AQR: variants seen among roughly 807,000 people sequenced by gnomAD.
AQR encodes the protein RNA helicase aquarius.
AQR carries 61 observed loss-of-function variants against 180.5 expected under a neutral mutation model. That is an observed-to-expected ratio of 0.34 (90% confidence interval 0.28 to 0.42). AQR has a LOEUF of 0.42. AQR is among the 10% of genes least tolerant of loss of function. The probability of loss-of-function intolerance (pLI) is 1.00; values close to 1 mark genes in which losing one functional copy is unlikely to be tolerated. For synonymous variants in AQR, 551 were observed against 588.8 expected (o/e 0.94, Z 0.93); for missense variants, 1,281 against 1,798.3 (o/e 0.71, Z 5.20).
intron 17 of AQR, among the ~76,000 whole-genome samples, chr15:34,908,523 G>C (rs1893453676): frequency 2.6e-5 from 4 of 152,010 alleles, no homozygotes; most frequent in Non-Finnish European, 5.9e-5. Flanking sequence ...TCAATATAGG[G>C]GCTGGTTTTT....
rs386382691 is a variant in AQR at position 34,893,607 on chromosome 15, GCACACACACACACACACACACA to G, written c.2571+34_2571+55del. ...CATACCCATGTGCATGCGCATGCGTGCACACACACACACACACACACACACACACACACACACACACACACAG... is the reference window on the plus strand; with the variant it reads ...CATACCCATGTGCATGCGCATGCGTGCACACACACACACACACACACACAG... On this transcript the variant is annotated intron_variant, in intron 23 of 34. Transcript: ENST00000156471. 300 of 999,320 alleles carry G rather than the reference GCACACACACACACACACACACA, an allele frequency of 3.0e-4. 1 individual carries two copies. The highest frequency in any genetic ancestry group is 2.9e-3 in the African/African-American group (179 of 62,764). The allele number at this position is 999,320 out of a possible 1,614,324, so 61.9% of individuals were successfully genotyped here. A position where few individuals can be genotyped will look rare whatever the true frequency, so the allele number is the denominator to read the frequency against.
chr15:34,959,796 C>T (rs7179205), intron 3 of AQR, among the ~76,000 whole-genome samples: 100,801 of 152,060 alleles, frequency 0.66, 34,902 homozygotes, highest in South Asian at 0.78. Flanking sequence ...CATCTTGAAG[C>T]TGACTACTAC....
At chr15:34,954,979 C>T (rs1420577602) in intron 3 of AQR, among the ~76,000 whole-genome samples, 1 of 151,936 alleles carries the variant, frequency 6.6e-6, no homozygotes, top group African/African-American at 2.4e-5. Flanking sequence ...AAAAATTAGC[C>T]AGGTGTGGTG....
chr15:34,900,478 C>A (rs1893315319), intron 20 of AQR, 144 bp downstream of exon 20: 1 of 976,250 alleles, frequency 1.0e-6, no homozygotes, highest in Admixed American at 3.0e-5. Context: ...TAAAGTTATC[C>A]CAGTGATTGT....
chr15:34,910,103 A>T, intron 17 of AQR, 32 bp downstream of exon 17: 6 of 1,609,370 alleles, frequency 3.7e-6, no homozygotes, highest in Non-Finnish European at 5.1e-6. Context: ...ACAAGGCAAA[A>T]GGTAATGTCA....
At chr15:34,960,888 T>G (rs1181390778) in intron 2 of AQR, 74 bp from the exon 3 acceptor site, 23 of 527,786 alleles carry the variant, frequency 4.4e-5, no homozygotes, top group Non-Finnish European at 7.2e-5. Context: ...TTTTAATGAG[T>G]GAGATTATAT....
chr15:34,957,682 CA>C (rs1250352489), intron 3 of AQR, among the ~76,000 whole-genome samples: 1 of 137,036 alleles, frequency 7.3e-6, no homozygotes, highest in Non-Finnish European at 1.6e-5. Flanking sequence ...GCCTGGGCAA[CA>C]AGATCGAAAC....
At chr15:34,966,385 C>G (rs994428141) in intron 1 of AQR, among the ~76,000 whole-genome samples, 4 of 152,156 alleles carry the variant, frequency 2.6e-5, no homozygotes, top group African/African-American at 9.7e-5. Flanking sequence ...AAAACCAATT[C>G]CCCCACTTTC....
chr15:34,909,899 T>G (rs1345939150), intron 17 of AQR, among the ~76,000 whole-genome samples: 1 of 152,218 alleles, frequency 6.6e-6, no homozygotes, highest in Non-Finnish European at 1.5e-5. Context: ...TTGATATGTA[T>G]GCAATTTTAT....
At position 34,948,333 on chromosome 15, in the gene AQR, G is replaced by A. The variant is rs771881561; in HGVS notation, c.261C>T (p.Ser87=). 17 of 1,613,274 alleles carry A rather than the reference G, an allele frequency of 1.1e-5. No homozygotes were observed. The change falls in exon 5 of 35, where the codon AGC becomes AGT. Residue 87 remains serine, a synonymous_variant. Coordinates refer to ENST00000156471, the MANE Select transcript of AQR (RefSeq NM_014691.3). ...LWMNYSPEVS[S]KAYLMSICCM... Reference sequence around the variant, plus strand: ...AGCAGATTGACATTAAATAGGCCTTGCTAGATACCTCAGGAGAATAATTCA... The same window carrying A: ...AGCAGATTGACATTAAATAGGCCTTACTAGATACCTCAGGAGAATAATTCA...
chr15:34,895,480 C>T (rs539154713), intron 22 of AQR, among the ~76,000 whole-genome samples: 20 of 151,526 alleles, frequency 1.3e-4, no homozygotes, highest in Non-Finnish European at 2.2e-4. Context: ...TCAAATATAA[C>T]GACAAGTAGA....
chr15:34,957,311 C>A (rs1251237865), intron 3 of AQR, among the ~76,000 whole-genome samples: 1 of 152,044 alleles, frequency 6.6e-6, no homozygotes, highest in African/African-American at 2.4e-5. Context: ...TGCGTGCCAC[C>A]ACACCCAGCT....
At chr15:34,880,951 A>T (rs557631549) in intron 27 of AQR, among the ~76,000 whole-genome samples, 2 of 152,332 alleles carry the variant, frequency 1.3e-5, no homozygotes, top group Non-Finnish European at 1.5e-5. Context: ...TGATAAAAAT[A>T]AAACTTCAAA....
chr15:34,870,433 C>G (rs2140461374), intron 31 of AQR, among the ~76,000 whole-genome samples: 1 of 152,140 alleles, frequency 6.6e-6, no homozygotes, highest in African/African-American at 2.4e-5. Context: ...AAAAAGCAGT[C>G]TAAATTATAC....
intron 14 of AQR, 142 bp downstream of exon 14, chr15:34,920,190 A>G (rs560749990): frequency 6.7e-6 from 4 of 596,506 alleles, no homozygotes; most frequent in Non-Finnish European, 1.2e-5. Context: ...AAATCAAATG[A>G]TAATACAATT....
Position 34,952,892 on chromosome 15 carries a change from C to A in AQR, c.202G>T (p.Glu68Ter). ...GAATGCCTTATAACTTACCTAAATT[C>A]CAAGAGCATTATCTTTCTAATAGCA... is the stretch of plus-strand genomic sequence containing the variant. ...RFAIRKIMLL[E>*]FSQYLENYLW... The change falls in exon 4 of 35, where the codon GAA (glutamate) becomes TAA (stop). Residue 68 changes from glutamate to a stop codon, truncating the protein, a stop_gained. Coordinates refer to ENST00000156471, the MANE Select transcript of AQR (RefSeq NM_014691.3). LOFTEE classifies it high-confidence loss of function. The A allele has an allele frequency of 6.8e-7, 1 of 1,464,246 alleles. No individual in the cohort carries two copies. Among genetic ancestry groups the A allele is most frequent in the Non-Finnish European group, 9.4e-7 (1 of 1,065,742 alleles). 90.7% of individuals were successfully genotyped at this position (1,464,246 alleles called of 1,614,324 possible).
intron 14 of AQR, among the ~76,000 whole-genome samples, chr15:34,918,758 C>G (rs890368685): frequency 3.9e-5 from 6 of 152,350 alleles, no homozygotes; most frequent in Non-Finnish European, 8.8e-5. Flanking sequence ...AACCATGACA[C>G]TTAGCATTAA....
intron 23 of AQR, among the ~76,000 whole-genome samples, chr15:34,890,585 TATTTCTTCCGAGTTGTAAC>T (rs2140471201): frequency 6.6e-6 from 1 of 152,364 alleles, no homozygotes; most frequent in East Asian, 1.9e-4. Context: ...GCTCAGATGC[TATTTCTTCCGAGTTGTAAC>T]AACTCCTAAA....
intron 11 of AQR, among the ~76,000 whole-genome samples, chr15:34,930,880 A>G (rs2064098274): frequency 7.3e-6 from 1 of 136,104 alleles, no homozygotes; most frequent in South Asian, 2.2e-4. Flanking sequence ...TCTGTCACCC[A>G]GGCTGGAGTG....
Sources: gnomAD v4.1 joint callset for allele counts (sites outside exome capture counted in the v4.1 genomes callset) on GRCh38, gnomAD v4.1.1 for gene constraint, MANE v1.5 for transcripts, NCBI Gene and HGNC (gene_info 2026-07-23, HGNC 2026-07-21) for gene names.